Variants in OSBPL10 observed in about 807,000 individuals in gnomAD.
OSBPL10 encodes oxysterol-binding protein-related protein 10.
A neutral mutation model predicts 81.7 loss-of-function variants in OSBPL10; 49 were observed. The ratio of observed to expected loss-of-function variants is 0.60; its 90% CI spans 0.48 to 0.76. The LOEUF (loss-of-function observed/expected upper bound fraction) is 0.76. OSBPL10 is among the 30% of genes least tolerant of loss of function. The pLI is 0.00. For missense variants in OSBPL10, 923 were observed against 987.8 expected (o/e 0.93, Z 0.88); for synonymous variants, 419 against 383.6 (o/e 1.09, Z -1.08).
At chr3:31,800,676 C>A (rs367730100) in intron 4 of OSBPL10, among the ~76,000 whole-genome samples, 1 of 151,220 alleles carries the variant, frequency 6.6e-6, no homozygotes, top group Non-Finnish European at 1.5e-5. Context: ...TTTAATGAAC[C>A]ACATGGGTGG....
At chr3:31,752,972 C>T (rs1477606153) in intron 4 of OSBPL10, among the ~76,000 whole-genome samples, 1 of 152,158 alleles carries the variant, frequency 6.6e-6, no homozygotes, top group Non-Finnish European at 1.5e-5. Flanking sequence ...GCCCCAGTGC[C>T]TTCAATTACT....
At chr3:32,054,526 CTTTTTT>C (rs755489489) in intron 1 of OSBPL10, among the ~76,000 whole-genome samples, 102 of 86,624 alleles carry the variant, frequency 1.2e-3, no homozygotes, top group Non-Finnish European at 1.8e-3. Flanking sequence ...TCAATGGTGG[CTTTTTT>C]TTTTTTTTTT....
intron 4 of OSBPL10, among the ~76,000 whole-genome samples, chr3:31,750,575 A>G (rs1387420828): frequency 6.6e-6 from 1 of 152,228 alleles, no homozygotes; most frequent in East Asian, 1.9e-4. Context: ...TAAAACGTCT[A>G]TGTATTCTCT....
chr3:32,002,013 T>C (rs1293347278), intron 2 of OSBPL10, among the ~76,000 whole-genome samples: 1 of 152,172 alleles, frequency 6.6e-6, no homozygotes, highest in African/African-American at 2.4e-5. Flanking sequence ...GCTCACATGA[T>C]TAATAAATGG....
At chr3:31,944,826 C>A (rs557495172) in intron 1 of OSBPL10, among the ~76,000 whole-genome samples, 1,132 of 113,100 alleles carry the variant, frequency 0.01, 22 homozygotes, top group African/African-American at 0.036. Flanking sequence ...GCAAGACCCC[C>A]TCTCTTTAAA....
chr3:31,749,863 T>C (rs957786011), intron 4 of OSBPL10, among the ~76,000 whole-genome samples: 1 of 151,646 alleles, frequency 6.6e-6, no homozygotes, highest in South Asian at 2.1e-4. Context: ...TCTTGAGAAA[T>C]CTTCCCAAAC....
At chr3:31,839,749 T>G (rs1026878298) in intron 3 of OSBPL10, among the ~76,000 whole-genome samples, 1 of 151,200 alleles carries the variant, frequency 6.6e-6, no homozygotes, top group African/African-American at 2.4e-5. Flanking sequence ...GAGCAAAGCA[T>G]AGAGCAATAT....
At chr3:31,907,650 A>AAAAAAAAC (rs1696449677) in intron 1 of OSBPL10, among the ~76,000 whole-genome samples, 1 of 135,328 alleles carries the variant, frequency 7.4e-6, no homozygotes, top group Admixed American at 7.9e-5. Context: ...AAAAAAAAAA[A>AAAAAAAAC]ATTTAAGTGA....
chr3:31,965,213 C>CA (rs922903290), intron 1 of OSBPL10, among the ~76,000 whole-genome samples: 5 of 150,242 alleles, frequency 3.3e-5, no homozygotes, highest in South Asian at 2.1e-4. Flanking sequence ...ACTAAAAATA[C>CA]AAAAAAATTA....
At chr3:31,878,755 A>G (rs1210493701) in intron 2 of OSBPL10, among the ~76,000 whole-genome samples, 5 of 151,984 alleles carry the variant, frequency 3.3e-5, no homozygotes, top group Non-Finnish European at 7.4e-5. Flanking sequence ...CCACCTCTCA[A>G]TACTTAATAC....
intron 1 of OSBPL10, among the ~76,000 whole-genome samples, chr3:32,071,973 G>A (rs1229852189): frequency 6.6e-6 from 1 of 152,084 alleles, no homozygotes; most frequent in Non-Finnish European, 1.5e-5. Flanking sequence ...CCACTCACCA[G>A]CAAAGGCAGA....
chr3:31,893,323 C>T (rs1301096992), intron 1 of OSBPL10, among the ~76,000 whole-genome samples: 1 of 152,190 alleles, frequency 6.6e-6, no homozygotes, highest in Non-Finnish European at 1.5e-5. Context: ...AAAAGATGCA[C>T]ATGATTAGTC....
At chr3:32,018,818 G>A (rs972372332) in intron 2 of OSBPL10, among the ~76,000 whole-genome samples, 6 of 152,122 alleles carry the variant, frequency 3.9e-5, no homozygotes, top group Non-Finnish European at 8.8e-5. Context: ...GTGTTTTTGT[G>A]TGATCACACT....
At position 32,001,306 on chromosome 3, in the gene OSBPL10, A is replaced by G. The variant is rs558329525; in HGVS notation, n.298+45185T>C. On this transcript the variant is annotated intron_variant and non_coding_transcript_variant, in intron 2 of 3. Transcript: ENST00000479173. Reference sequence around the variant, plus strand: ...GGCCTACTCTATAAGGCTGGGCTCTATATTAACCCCTACAGTCTTGCTGAT... The same window carrying G: ...GGCCTACTCTATAAGGCTGGGCTCTGTATTAACCCCTACAGTCTTGCTGAT... Among the ~76,000 whole-genome samples, 53 of 152,260 alleles carry G rather than the reference A, an allele frequency of 3.5e-4. 1 individual carries two copies. The Middle Eastern group carries it at 0.014, about 39-fold the overall frequency.
At chr3:31,802,721 A>G (rs1232267984) in intron 4 of OSBPL10, among the ~76,000 whole-genome samples, 2 of 152,168 alleles carry the variant, frequency 1.3e-5, no homozygotes, top group East Asian at 3.9e-4. Flanking sequence ...GGCGTGACCA[A>G]GCGGCCAAGT....
intron 1 of OSBPL10, among the ~76,000 whole-genome samples, chr3:31,905,700 G>C (rs190185762): frequency 6.6e-6 from 1 of 151,970 alleles, no homozygotes; most frequent in African/African-American, 2.4e-5. Flanking sequence ...CCTAGTGAGA[G>C]AGGAGGACAA....
chr3:31,905,617 T>A (rs1696386931), intron 1 of OSBPL10, among the ~76,000 whole-genome samples: 1 of 152,058 alleles, frequency 6.6e-6, no homozygotes, highest in African/African-American at 2.4e-5. Flanking sequence ...CCCAAAGTGC[T>A]GGGATTACAG....
chr3:31,913,131 A>G (rs2125695335), intron 1 of OSBPL10, among the ~76,000 whole-genome samples: 1 of 152,260 alleles, frequency 6.6e-6, no homozygotes, highest in East Asian at 1.9e-4. Context: ...CTTTTAATTT[A>G]TACCAAGTAA....
At position 31,856,069 on chromosome 3, in the gene OSBPL10, T is replaced by TACACAC. The variant is rs10576489; in HGVS notation, c.537+20358_537+20363dup. 1.9e-3 allele frequency among the ~76,000 whole-genome samples: 258 copies of TACACAC among 134,472 alleles called. 2 individuals are homozygous for TACACAC. The highest frequency in any genetic ancestry group is 7.5e-3 in the Middle Eastern group (2 of 268). 88.2% of individuals were successfully genotyped at this position (134,472 alleles called of 152,430 possible). A position where few individuals can be genotyped will look rare whatever the true frequency, so the allele number is the denominator to read the frequency against. On this transcript the variant is annotated intron_variant, in intron 3 of 11. Transcript: ENST00000396556. ...ATGTTATATACATTTATGTTTATAT[T>TACACAC]ACACACACACACACACACACACACA...
Sources: gnomAD v4.1 joint callset for allele counts (sites outside exome capture counted in the v4.1 genomes callset) on GRCh38, gnomAD v4.1.1 for gene constraint, MANE v1.5 for transcripts, NCBI Gene and HGNC (gene_info 2026-07-23, HGNC 2026-07-21) for gene names.